Variants in MDFIC observed in about 807,000 individuals in gnomAD.
The protein encoded by MDFIC is myoD family inhibitor domain-containing protein.
MDFIC carries 17 observed loss-of-function variants against 23.2 expected under a neutral mutation model. The ratio of observed to expected loss-of-function variants is 0.73; its 90% CI spans 0.50 to 1.10. The LOEUF is 1.10. Ranked by LOEUF, MDFIC falls within the 50% of genes least tolerant of loss-of-function variation. The probability of loss-of-function intolerance (pLI) is 0.00; values close to 1 mark genes in which losing one functional copy is unlikely to be tolerated. For synonymous variants in MDFIC, 120 were observed against 115.2 expected, an observed-to-expected ratio of 1.04 and a Z score of -0.27; for missense variants, 356 against 316.6, an observed-to-expected ratio of 1.12 and a Z score of -0.95.
Position 114,922,368 on chromosome 7 carries a change from C to T in MDFIC, c.-376C>T, listed in dbSNP as rs61743574. On this transcript the variant is annotated 5_prime_UTR_variant, in exon 1 of 5. Coordinates refer to ENST00000393486, the MANE Select transcript of MDFIC (RefSeq NM_001166345.3). ...AGAGAGGCAGAGAGGGGGAAGGCCC[C>T]CTCGCAGGGGAGCCGGCTGGAGTGA... 0.13 allele frequency: 156,052 copies of T among 1,225,202 alleles called. 10,633 individuals carry two copies. The highest frequency in any genetic ancestry group is 0.17 in the Middle Eastern group (541 of 3,202). The allele number at this position is 1,225,202 out of a possible 1,614,324, so 75.9% of individuals were successfully genotyped here. A position where few individuals can be genotyped will look rare whatever the true frequency, so the allele number is the denominator to read the frequency against.
intron 3 of MDFIC, among the ~76,000 whole-genome samples, chr7:114,967,991 GT>G (rs879832577): frequency 2.0e-5 from 3 of 151,858 alleles, no homozygotes; most frequent in Non-Finnish European, 4.4e-5. Context: ...ACCACACCCA[GT>G]TTTTTTAAAA....
chr7:114,980,729 CCTTT>C (rs1468999227), intron 4 of MDFIC, among the ~76,000 whole-genome samples: 2 of 152,110 alleles, frequency 1.3e-5, no homozygotes, highest in Admixed American at 1.3e-4. Context: ...ATTCCCCTTT[CCTTT>C]CTATTTTGCT....
At chr7:114,935,425 T>C (rs1333101214) in intron 2 of MDFIC, among the ~76,000 whole-genome samples, 1 of 152,102 alleles carries the variant, frequency 6.6e-6, no homozygotes, top group East Asian at 1.9e-4. Context: ...GATTAAGTTT[T>C]ATGAGGTTTT....
intron 4 of MDFIC, among the ~76,000 whole-genome samples, chr7:114,986,421 G>A (rs1793514945): frequency 6.6e-6 from 1 of 152,148 alleles, no homozygotes. Flanking sequence ...AAGGGATTAA[G>A]CAGAATTGGG....
intron 4 of MDFIC, among the ~76,000 whole-genome samples, chr7:114,983,388 C>T (rs1165513620): frequency 1.3e-5 from 2 of 151,892 alleles, no homozygotes; most frequent in Admixed American, 6.6e-5. Flanking sequence ...ACTCTAAGGG[C>T]GTCTTTTCTA....
At chr7:114,978,797 T>C (rs1458317736) in intron 3 of MDFIC, among the ~76,000 whole-genome samples, 1 of 152,120 alleles carries the variant, frequency 6.6e-6, no homozygotes, top group Non-Finnish European at 1.5e-5. Flanking sequence ...TCTTGTTTAT[T>C]GCTTGTACTA....
At chr7:114,976,029 A>G (rs28584558) in intron 3 of MDFIC, among the ~76,000 whole-genome samples, 213 of 152,252 alleles carry the variant, frequency 1.4e-3, no homozygotes, top group African/African-American at 4.9e-3. Flanking sequence ...TAAACCATTA[A>G]GGATGCGTGA....
chr7:115,019,086 A>G lies in MDFIC; in HGVS notation c.*3151A>G, dbSNP rs896219348. 1 of 151,956 alleles carries G rather than the reference A, an allele frequency of 6.6e-6. No homozygotes were observed. Among genetic ancestry groups the G allele is most frequent in the Non-Finnish European group, 1.5e-5 (1 of 67,876 alleles). 9.4% of individuals were successfully genotyped at this position (151,956 alleles called of 1,614,324 possible). A position where few individuals can be genotyped will look rare whatever the true frequency, so the allele number is the denominator to read the frequency against. On this transcript the variant is annotated 3_prime_UTR_variant, in exon 5 of 5. Transcript: ENST00000393486. ...AGCTATATTTCCACTTAGAAAAACT[A>G]AGGTAATTTTACAATATATGCTGAG...
At chr7:114,928,380 A>G (rs1792238313) in intron 2 of MDFIC, among the ~76,000 whole-genome samples, 1 of 152,186 alleles carries the variant, frequency 6.6e-6, no homozygotes, top group South Asian at 2.1e-4. Flanking sequence ...AATCAGTGCC[A>G]TAGTAGAGGC....
intron 3 of MDFIC, among the ~76,000 whole-genome samples, chr7:114,945,079 GAGAC>G (rs1355295162): frequency 6.6e-6 from 1 of 152,252 alleles, no homozygotes; most frequent in Non-Finnish European, 1.5e-5. Context: ...AGAAGTGAAG[GAGAC>G]AGACGCGGTC....
intron 3 of MDFIC, among the ~76,000 whole-genome samples, chr7:114,951,065 A>G (rs1792759184): frequency 6.6e-6 from 1 of 152,212 alleles, no homozygotes; most frequent in Non-Finnish European, 1.5e-5. Context: ...GCCTGCCTGT[A>G]GTCCCAGTTA....
At chr7:114,988,423 A>AT (rs1793549421) in intron 4 of MDFIC, among the ~76,000 whole-genome samples, 1 of 152,152 alleles carries the variant, frequency 6.6e-6, no homozygotes, top group African/African-American at 2.4e-5. Flanking sequence ...GTCAAACATA[A>AT]TATGTAGGCA....
intron 3 of MDFIC, among the ~76,000 whole-genome samples, chr7:114,961,939 G>A (rs929207250): frequency 1.3e-5 from 2 of 152,064 alleles, no homozygotes; most frequent in Non-Finnish European, 2.9e-5. Flanking sequence ...TTCTATTGAA[G>A]ATATCATACC....
intron 4 of MDFIC, among the ~76,000 whole-genome samples, chr7:115,009,908 T>G (rs1222655399): frequency 3.9e-5 from 6 of 152,234 alleles, no homozygotes; most frequent in Non-Finnish European, 8.8e-5. Context: ...GCCAGTCTTG[T>G]GCTGAGTTCT....
intron 4 of MDFIC, among the ~76,000 whole-genome samples, chr7:115,010,216 T>C (rs1240329038): frequency 6.6e-6 from 1 of 152,212 alleles, no homozygotes; most frequent in East Asian, 1.9e-4. Context: ...ACCACCATTA[T>C]TGTGCCTTTT....
intron 4 of MDFIC, among the ~76,000 whole-genome samples, chr7:114,980,851 C>T (rs947276731): frequency 6.6e-6 from 1 of 152,088 alleles, no homozygotes; most frequent in Non-Finnish European, 1.5e-5. Context: ...TGAGAATTAC[C>T]AGTAATGAGT....
intron 3 of MDFIC, among the ~76,000 whole-genome samples, chr7:114,947,623 C>A (rs901625401): frequency 6.6e-6 from 1 of 152,158 alleles, no homozygotes; most frequent in Non-Finnish European, 1.5e-5. Context: ...TGGGGAGAAC[C>A]ATTTCATTTT....
intron 3 of MDFIC, among the ~76,000 whole-genome samples, chr7:114,975,189 G>A (rs1459973542): frequency 6.6e-6 from 1 of 151,974 alleles, no homozygotes; most frequent in African/African-American, 2.4e-5. Context: ...TAGAAAAGAG[G>A]TGTCAAAAAG....
At chr7:114,959,544 C>T (rs1187324383) in intron 3 of MDFIC, among the ~76,000 whole-genome samples, 1 of 152,106 alleles carries the variant, frequency 6.6e-6, no homozygotes, top group Non-Finnish European at 1.5e-5. Context: ...AACATTAAAA[C>T]TTAGTCTTTT....
Sources: allele counts gnomAD v4.1 joint callset (sites outside exome capture counted in the v4.1 genomes callset), GRCh38; gene constraint gnomAD v4.1.1; transcripts MANE v1.5; gene names NCBI Gene and HGNC (gene_info 2026-07-23, HGNC 2026-07-21).